Variants in FHIT observed in about 807,000 individuals in gnomAD.
FHIT encodes fragile histidine triad diadenosine triphosphatase, also known as bis(5'-adenosyl)-triphosphatase.
A neutral mutation model predicts 17.9 loss-of-function variants in FHIT; 19 were observed. The ratio of observed to expected loss-of-function variants is 1.06; its 90% CI spans 0.74 to 1.56. The LOEUF is 1.56. Among genes scored for constraint, FHIT ranks in the 40% most tolerant of loss-of-function variants. The probability of loss-of-function intolerance (pLI) is 0.00; values close to 1 mark genes in which losing one functional copy is unlikely to be tolerated. For missense variants in FHIT, 248 were observed against 189.2 expected (o/e 1.31, Z -1.82); for synonymous variants, 81 against 69.7 (o/e 1.16, Z -0.81).
chr3:60,798,626 A>G (rs1439787080), intron 4 of FHIT, among the ~76,000 whole-genome samples: 4 of 152,206 alleles, frequency 2.6e-5, no homozygotes, highest in Non-Finnish European at 4.4e-5. Context: ...CCTGAATACA[A>G]CAGTGATCAA....
At chr3:59,751,250 T>TCTCTCTC (rs1700882564) in intron 9 of FHIT, 1 of 141,946 alleles carries the variant, frequency 7.0e-6, no homozygotes, top group African/African-American at 3.9e-5. Context: ...CTCTCTCTCC[T>TCTCTCTC]GTTTTTTTGA....
intron 4 of FHIT, among the ~76,000 whole-genome samples, chr3:60,553,074 G>A (rs2036614002): frequency 1.3e-5 from 2 of 152,274 alleles, no homozygotes; most frequent in East Asian, 3.9e-4. Flanking sequence ...ACAGGCTCTG[G>A]CCACCTGAGA....
chr3:61,183,627 T>C (rs929967461), intron 2 of FHIT, among the ~76,000 whole-genome samples: 1 of 152,156 alleles, frequency 6.6e-6, no homozygotes. Context: ...GCCCCATGAA[T>C]TGTGATAAAG....
intron 5 of FHIT, among the ~76,000 whole-genome samples, chr3:60,530,119 T>C (rs1408031924): frequency 3.3e-5 from 5 of 152,068 alleles, no homozygotes; most frequent in East Asian, 1.9e-4. Flanking sequence ...AGGTAAAACA[T>C]AGTATGGAAG....
chr3:60,341,121 C>T (rs994471188), intron 5 of FHIT, among the ~76,000 whole-genome samples: 13 of 152,094 alleles, frequency 8.5e-5, no homozygotes, highest in African/African-American at 2.9e-4. Flanking sequence ...TGAGTATTCA[C>T]GGATTTTGTT....
At chr3:59,858,101 G>C (rs1270988230) in intron 8 of FHIT, among the ~76,000 whole-genome samples, 5 of 152,128 alleles carry the variant, frequency 3.3e-5, no homozygotes, top group Non-Finnish European at 7.4e-5. Context: ...GAGAGTAAAA[G>C]GGAGTGAGTA....
At chr3:60,808,901 A>C (rs1212311564) in intron 4 of FHIT, among the ~76,000 whole-genome samples, 4 of 152,246 alleles carry the variant, frequency 2.6e-5, no homozygotes, top group Non-Finnish European at 4.4e-5. Context: ...TCAGTAGTTC[A>C]GTCCAAACCA....
chr3:60,676,671 T>C (rs1007522644), intron 4 of FHIT, among the ~76,000 whole-genome samples: 1 of 152,178 alleles, frequency 6.6e-6, no homozygotes, highest in African/African-American at 2.4e-5. Flanking sequence ...CCAGGTAAGC[T>C]AGGAAGAGGC....
chr3:60,808,430 G>C (rs565290528), intron 4 of FHIT, among the ~76,000 whole-genome samples: 2 of 152,110 alleles, frequency 1.3e-5, no homozygotes, highest in Admixed American at 1.3e-4. Flanking sequence ...ATACCTACAT[G>C]GCCGTCCTAG....
chr3:59,786,095 G>T (rs1033245066), intron 8 of FHIT, among the ~76,000 whole-genome samples: 1 of 152,158 alleles, frequency 6.6e-6, no homozygotes, highest in African/African-American at 2.4e-5. Context: ...TGAAATGGGG[G>T]TAAGGAGGGA....
At position 60,442,260 on chromosome 3, in the gene FHIT, T is replaced by C. The variant is rs117011967; in HGVS notation, c.103+94600A>G. On this transcript the variant is annotated intron_variant, in intron 5 of 9. Coordinates refer to ENST00000492590, the MANE Select transcript of FHIT (RefSeq NM_002012.4). ...CCACATACCTAAGGTTCCTGATTCA[T>C]CCTCCTAAGTGACAAAGACTTTTTA... Among the ~76,000 whole-genome samples, 84 of 152,184 alleles carry C rather than the reference T, an allele frequency of 5.5e-4. No individual in the cohort carries two copies. In the East Asian group the frequency reaches 8.1e-3, roughly 15 times the overall value.
chr3:60,492,583 T>A (rs1181934628), intron 5 of FHIT, among the ~76,000 whole-genome samples: 1 of 150,368 alleles, frequency 6.7e-6, no homozygotes, highest in Non-Finnish European at 1.5e-5. Flanking sequence ...CTCGGCTCAC[T>A]GCAACCGCCA....
chr3:60,276,605 AT>A (rs1243390768), intron 5 of FHIT, among the ~76,000 whole-genome samples: 18 of 152,330 alleles, frequency 1.2e-4, no homozygotes, highest in African/African-American at 4.3e-4. Flanking sequence ...TGCAAAAGGC[AT>A]ATATATTAGT....
intron 4 of FHIT, among the ~76,000 whole-genome samples, chr3:60,581,572 A>C (rs868958317): frequency 1.3e-5 from 2 of 152,138 alleles, no homozygotes; most frequent in Non-Finnish European, 2.9e-5. Flanking sequence ...CTATTAAGTA[A>C]AACATTAGAT....
intron 5 of FHIT, among the ~76,000 whole-genome samples, chr3:60,460,190 G>A (rs1044456733): frequency 2.6e-5 from 4 of 152,006 alleles, no homozygotes; most frequent in South Asian, 2.1e-4. Flanking sequence ...CTTACCTTTC[G>A]GGGGGCAAAT....
At chr3:60,093,812 G>C (rs1321171662) in intron 5 of FHIT, among the ~76,000 whole-genome samples, 1 of 152,162 alleles carries the variant, frequency 6.6e-6, no homozygotes, top group African/African-American at 2.4e-5. Context: ...TCCACCACCG[G>C]GTCTGTGGGA....
chr3:60,509,766 T>C (rs1481624379), intron 5 of FHIT, among the ~76,000 whole-genome samples: 1 of 152,256 alleles, frequency 6.6e-6, no homozygotes, highest in Non-Finnish European at 1.5e-5. Context: ...TTGACAATGA[T>C]CTGTTTCATT....
intron 4 of FHIT, among the ~76,000 whole-genome samples, chr3:60,630,855 C>G (rs1553682229): frequency 6.6e-6 from 1 of 151,138 alleles, no homozygotes; most frequent in African/African-American, 2.4e-5. Context: ...CAATGTCTTA[C>G]CTGAGTCCCT....
chr3:60,065,290 T>G (rs1055182100), intron 5 of FHIT, among the ~76,000 whole-genome samples: 1 of 152,172 alleles, frequency 6.6e-6, no homozygotes, highest in African/African-American at 2.4e-5. Flanking sequence ...TCAGCCATGC[T>G]CCTGGGATGA....
Sources: allele counts gnomAD v4.1 joint callset (sites outside exome capture counted in the v4.1 genomes callset), GRCh38; gene constraint gnomAD v4.1.1; transcripts MANE v1.5; gene names NCBI Gene and HGNC (gene_info 2026-07-23, HGNC 2026-07-21).